PTPRT: variants seen among roughly 807,000 people sequenced by gnomAD.
PTPRT encodes receptor-type tyrosine-protein phosphatase T.
PTPRT carries 56 observed loss-of-function variants against 176.8 expected under a neutral mutation model. That is an observed-to-expected ratio of 0.32 (90% CI 0.26 to 0.40). PTPRT has a LOEUF of 0.40. PTPRT is among the 10% of genes least tolerant of loss of function. The pLI is 1.00. For missense variants in PTPRT, 1,540 were observed against 1,908.2 expected, an observed-to-expected ratio of 0.81 and a Z score of 3.60; for synonymous variants, 783 against 739.0, an observed-to-expected ratio of 1.06 and a Z score of -0.96.
chr20:42,429,494 C>T (rs1370063028), intron 9 of PTPRT, among the ~76,000 whole-genome samples: 2 of 152,046 alleles, frequency 1.3e-5, no homozygotes, highest in Non-Finnish European at 2.9e-5. Context: ...CCCTTGGTCT[C>T]CTCCCTCTCT....
intron 9 of PTPRT, among the ~76,000 whole-genome samples, chr20:42,447,325 G>T (rs990722107): frequency 6.6e-6 from 1 of 152,086 alleles, no homozygotes; most frequent in African/African-American, 2.4e-5. Flanking sequence ...TGAGAAAAAT[G>T]AGGCTTAAAG....
At chr20:42,853,349 C>T (rs2078508549) in intron 2 of PTPRT, among the ~76,000 whole-genome samples, 2 of 152,154 alleles carry the variant, frequency 1.3e-5, no homozygotes, top group African/African-American at 4.8e-5. Context: ...CCCCAGTATG[C>T]TGTCTGCAAG....
At chr20:42,308,008 C>G (rs753787730) in intron 12 of PTPRT, among the ~76,000 whole-genome samples, 1 of 152,150 alleles carries the variant, frequency 6.6e-6, no homozygotes, top group Non-Finnish European at 1.5e-5. Flanking sequence ...CTACCGGCAC[C>G]ATGACAGTTT....
At chr20:42,644,549 G>A (rs1190729831) in intron 7 of PTPRT, among the ~76,000 whole-genome samples, 1 of 152,082 alleles carries the variant, frequency 6.6e-6, no homozygotes, top group Non-Finnish European at 1.5e-5. Flanking sequence ...ACAGATACAG[G>A]GGACAGGGGC....
chr20:42,800,685 C>A (rs956790543), intron 2 of PTPRT, among the ~76,000 whole-genome samples: 1 of 152,142 alleles, frequency 6.6e-6, no homozygotes, highest in Non-Finnish European at 1.5e-5. Flanking sequence ...GTTTGCCATG[C>A]TCCATAGAAA....
intron 16 of PTPRT, among the ~76,000 whole-genome samples, chr20:42,162,092 G>A (rs994141847): frequency 2.6e-5 from 4 of 152,036 alleles, no homozygotes; most frequent in Non-Finnish European, 1.5e-5. Context: ...GTCTTGGACT[G>A]CCAGAAGCTA....
intron 1 of PTPRT, among the ~76,000 whole-genome samples, chr20:42,945,022 T>C (rs567296685): frequency 6.6e-6 from 1 of 150,748 alleles, no homozygotes; most frequent in Admixed American, 6.6e-5. Context: ...TGGCCAGACA[T>C]TATAAAATGT....
intron 12 of PTPRT, among the ~76,000 whole-genome samples, chr20:42,298,519 C>T (rs1409755246): frequency 6.6e-6 from 1 of 152,162 alleles, no homozygotes; most frequent in African/African-American, 2.4e-5. Flanking sequence ...TTCAACAATA[C>T]AAAAATATAT....
In PTPRT at chr20:43,188,765, C is replaced by G. The variant is rs1447148169; in HGVS notation, c.88+881G>C. 1.3e-3 allele frequency among the ~76,000 whole-genome samples: 93 copies of G among 72,904 alleles called. 1 individual carries two copies. The highest frequency in any genetic ancestry group is 1.4e-3 in the Non-Finnish European group (44 of 32,402). The allele number at this position is 72,904 out of a possible 152,430, so 47.8% of individuals were successfully genotyped here. A position where few individuals can be genotyped will look rare whatever the true frequency, so the allele number is the denominator to read the frequency against. Reference sequence around the variant, plus strand: ...CGCTACTCTTGGGGGGGGGGGGGCTCGGGGGTGGAAGCTGCCTGCGGTGGG... The same window carrying G: ...CGCTACTCTTGGGGGGGGGGGGGCTGGGGGGTGGAAGCTGCCTGCGGTGGG... On this transcript the variant is annotated intron_variant, in intron 1 of 30. Coordinates refer to ENST00000373187, the MANE Select transcript of PTPRT (RefSeq NM_007050.6).
rs142588346 is a variant in PTPRT at position 42,555,556 on chromosome 20, T to C, written c.1154-82994A>G. Among the ~76,000 whole-genome samples, 695 of 152,276 alleles carry C rather than the reference T, an allele frequency of 4.6e-3. 4 individuals carry two copies. The highest frequency in any genetic ancestry group is 0.016 in the African/African-American group (663 of 41,556). ...TGTGCTAGGATGTGTTATTGTTCAATATCCATTATTTCTTCCACTCCAAGA... is the reference window on the plus strand; with the variant it reads ...TGTGCTAGGATGTGTTATTGTTCAACATCCATTATTTCTTCCACTCCAAGA... On this transcript the variant is annotated intron_variant, in intron 7 of 30. Coordinates refer to ENST00000373187, the MANE Select transcript of PTPRT (RefSeq NM_007050.6).
Position 43,136,086 on chromosome 20 carries a change from C to G in PTPRT, c.88+53560G>C, listed in dbSNP as rs566254628. 4.6e-5 allele frequency among the ~76,000 whole-genome samples: 7 copies of G among 152,332 alleles called. No individual in the cohort carries two copies. In the South Asian group the frequency reaches 1.5e-3, roughly 32 times the overall value. ...AGTTTTGCTCTTCTGCTTTTCAAAG[C>G]CAAATATAAATTATCTGCTATTTAA... On this transcript the variant is annotated intron_variant, in intron 1 of 30. Coordinates refer to ENST00000373187, the MANE Select transcript of PTPRT (RefSeq NM_007050.6).
intron 7 of PTPRT, among the ~76,000 whole-genome samples, chr20:42,490,515 C>T (rs559989661): frequency 6.6e-6 from 1 of 152,174 alleles, no homozygotes; most frequent in East Asian, 1.9e-4. Flanking sequence ...TTCATTATTG[C>T]TGGTGTACAG....
intron 7 of PTPRT, among the ~76,000 whole-genome samples, chr20:42,625,773 T>C (rs1041195109): frequency 6.6e-6 from 1 of 152,036 alleles, no homozygotes; most frequent in Non-Finnish European, 1.5e-5. Flanking sequence ...TAATCAGTGA[T>C]TGATAATCTG....
intron 1 of PTPRT, among the ~76,000 whole-genome samples, chr20:42,937,727 C>T (rs1980282151): frequency 6.6e-6 from 1 of 152,214 alleles, no homozygotes; most frequent in African/African-American, 2.4e-5. Flanking sequence ...CTGTGAATCA[C>T]ACTTGGTAAA....
chr20:42,754,855 T>A (rs1196815429), intron 6 of PTPRT, among the ~76,000 whole-genome samples: 2 of 152,092 alleles, frequency 1.3e-5, no homozygotes, highest in Non-Finnish European at 2.9e-5. Flanking sequence ...AATGACTGAT[T>A]GTGCAAGTCA....
chr20:42,115,508 C>G (rs2146313553), intron 21 of PTPRT, among the ~76,000 whole-genome samples, 193 bp from the exon 22 acceptor site: 1 of 152,340 alleles, frequency 6.6e-6, no homozygotes, highest in South Asian at 2.1e-4. Context: ...AAGCTCACTC[C>G]CAGAGGCACT....
chr20:42,766,597 A>G (rs947964073), intron 5 of PTPRT, among the ~76,000 whole-genome samples: 2 of 152,184 alleles, frequency 1.3e-5, no homozygotes, highest in Non-Finnish European at 2.9e-5. Flanking sequence ...TTATTAATTT[A>G]TGATCCAAAA....
rs375947497 is a variant in PTPRT at position 42,972,177 on chromosome 20, G to C, written c.89-86245C>G. Among the ~76,000 whole-genome samples, 16 of 144,198 alleles carry C rather than the reference G, an allele frequency of 1.1e-4. 1 individual carries two copies. Among genetic ancestry groups the C allele is most frequent in the African/African-American group, 3.0e-4 (12 of 39,468 alleles). The allele number at this position is 144,198 out of a possible 152,430, so 94.6% of individuals were successfully genotyped here. On this transcript the variant is annotated intron_variant, in intron 1 of 30. Transcript: ENST00000373187. ...CCTCCCCAACCCCATTTGTTTGTTT[G>C]GGGAGGGGAGGCACGGCATTCCATG...
At chr20:43,182,112 G>A (rs368845446) in intron 1 of PTPRT, among the ~76,000 whole-genome samples, 73 of 152,264 alleles carry the variant, frequency 4.8e-4, no homozygotes, top group Middle Eastern at 3.4e-3. Context: ...AGAGACAAAT[G>A]CGTGATCCCT....
Sources: gnomAD v4.1 joint callset for allele counts (sites outside exome capture counted in the v4.1 genomes callset) on GRCh38, gnomAD v4.1.1 for gene constraint, MANE v1.5 for transcripts, NCBI Gene and HGNC (gene_info 2026-07-23, HGNC 2026-07-21) for gene names.